RYR3: variants seen among roughly 807,000 people sequenced by gnomAD.
The protein encoded by RYR3 is brain ryanodine receptor-calcium release channel.
RYR3 carries 207 observed loss-of-function variants against 584.3 expected under a neutral mutation model. That is an observed-to-expected ratio of 0.35 (90% CI 0.32 to 0.40). The LOEUF (loss-of-function observed/expected upper bound fraction) is 0.40. Ranked by LOEUF, RYR3 falls within the 10% of genes least tolerant of loss-of-function variation. RYR3 has a pLI of 1.00. For missense variants in RYR3, 5,616 were observed against 6,089.2 expected (o/e 0.92, Z 2.59); for synonymous variants, 2,416 against 2,248.5 (o/e 1.07, Z -2.11).
At chr15:33,551,546 A>G (rs886884132) in intron 10 of RYR3, among the ~76,000 whole-genome samples, 1 of 152,140 alleles carries the variant, frequency 6.6e-6, no homozygotes, top group Non-Finnish European at 1.5e-5. Context: ...ACTCTTTGGC[A>G]TGTAGTTTTT....
chr15:33,707,102 C>G, intron 43 of RYR3, 48 bp downstream of exon 43: 1 of 1,599,982 alleles, frequency 6.3e-7, no homozygotes, highest in Non-Finnish European at 8.5e-7. Flanking sequence ...ATAGCATGAT[C>G]GTGGATACCT....
intron 43 of RYR3, among the ~76,000 whole-genome samples, chr15:33,708,731 C>T (rs753476738): frequency 2.0e-5 from 3 of 152,148 alleles, no homozygotes; most frequent in Non-Finnish European, 4.4e-5. Flanking sequence ...TTTTAATTCT[C>T]AGCAAGGCAA....
intron 10 of RYR3, among the ~76,000 whole-genome samples, chr15:33,553,172 C>A (rs996048917): frequency 2.0e-5 from 3 of 152,086 alleles, no homozygotes; most frequent in Non-Finnish European, 4.4e-5. Flanking sequence ...TTCATCTGAT[C>A]CTTTCCATAT....
Position 33,853,624 on chromosome 15 carries a change from G to A in RYR3, c.13741G>A (p.Ala4581Thr). ...TGAACTTCTGGGTTTGGACAAAAAT[G>A]CTCTTGACTTTAGCCCAGTAGAAGA... ...IAELLGLDKNALDFSPVEETK... is the reference protein window; with the variant it reads ...IAELLGLDKNTLDFSPVEETK... The change falls in exon 96 of 104, where the codon GCT becomes ACT. Residue 4581 changes from alanine (A) to threonine (T), a missense_variant. Transcript: ENST00000634891. 1.2e-6 allele frequency: 2 copies of A among 1,614,004 alleles called. No individual in the cohort carries two copies. Among genetic ancestry groups the A allele is most frequent in the Non-Finnish European group, 1.7e-6 (2 of 1,179,888 alleles).
At chr15:33,851,950 G>GT in intron 94 of RYR3, 1 of 151,390 alleles carries the variant, frequency 6.6e-6, no homozygotes, top group East Asian at 1.9e-4. Flanking sequence ...ACCAGCATTT[G>GT]TTTTTGCTTT....
intron 18 of RYR3, among the ~76,000 whole-genome samples, chr15:33,610,994 C>A (rs2060154529): frequency 6.6e-6 from 1 of 152,106 alleles, no homozygotes; most frequent in South Asian, 2.1e-4. Flanking sequence ...TAAGGATGCT[C>A]AACCTGAACT....
In RYR3 at chr15:33,635,766, C is replaced by A. The variant is rs201820155; in HGVS notation, c.3328C>A (p.Pro1110Thr). 11 of 1,613,798 alleles carry A rather than the reference C, an allele frequency of 6.8e-6. 1 individual carries two copies. The Admixed American group carries it at 1.7e-4, about 24-fold the overall frequency. The change falls in exon 26 of 104, where the codon CCT becomes ACT. Residue 1110 changes from proline (P) to threonine (T), a missense_variant. Physicochemically the swap from Pro to Thr is conservative, Grantham distance 38 (BLOSUM62 -1). Transcript: ENST00000634891. ...RVGWARPGCR[P>T]DVELGADDQA... is the part of the protein sequence containing the mutation. Reference sequence around the variant, plus strand: ...CGGCTGGGCGAGGCCAGGCTGTCGACCTGATGTCGAGCTGGGGGCCGATGA... The same window carrying A: ...CGGCTGGGCGAGGCCAGGCTGTCGAACTGATGTCGAGCTGGGGGCCGATGA...
rs143949356 is a variant in RYR3, at chr15:33,726,793, C to T, written c.7033+287C>T. On this transcript the variant is annotated intron_variant, in intron 46 of 103. Coordinates refer to ENST00000634891, the MANE Select transcript of RYR3 (RefSeq NM_001036.6). Reference sequence around the variant, plus strand: ...TCTCACCATGACCAATTTCAAGCCACCAATGTAATGTCACTGAACACAGAG... The same window carrying T: ...TCTCACCATGACCAATTTCAAGCCATCAATGTAATGTCACTGAACACAGAG... 4.3e-3 allele frequency among the ~76,000 whole-genome samples: 656 copies of T among 152,356 alleles called. 4 individuals are homozygous for T. Among genetic ancestry groups the T allele is most frequent in the African/African-American group, 0.014 (598 of 41,572 alleles).
At position 33,472,915 on chromosome 15, in the gene RYR3, T is replaced by C. The variant is rs563125409; in HGVS notation, c.52-504T>C. Among the ~76,000 whole-genome samples, 3 of 152,266 alleles carry C rather than the reference T, an allele frequency of 2.0e-5. No individual in the cohort carries two copies. The South Asian group carries it at 6.2e-4, about 32-fold the overall frequency. ...CTTCCTCTACCATCTCTGGCAAATA[T>C]GCGGCCCACGACATACACTGCCTTC... On this transcript the variant is annotated intron_variant, in intron 1 of 103. Transcript: ENST00000634891.
intron 1 of RYR3, among the ~76,000 whole-genome samples, chr15:33,456,908 G>T (rs2047607935): frequency 6.6e-6 from 1 of 152,176 alleles, no homozygotes; most frequent in Non-Finnish European, 1.5e-5. Context: ...CTGACTTAGA[G>T]AATTAGAATC....
intron 1 of RYR3, among the ~76,000 whole-genome samples, chr15:33,367,769 A>G (rs548679370): frequency 1.3e-5 from 2 of 152,356 alleles, no homozygotes; most frequent in East Asian, 3.9e-4. Context: ...TAATCCTGGT[A>G]GCAGTGCTGG....
Position 33,550,155 on chromosome 15 carries a change from C to T in RYR3, c.816-5C>T. On this transcript the variant is annotated splice_region_variant and splice_polypyrimidine_tract_variant and intron_variant, in intron 9 of 103. Coordinates refer to ENST00000634891, the MANE Select transcript of RYR3 (RefSeq NM_001036.6). ...TGCAATTTCTTGTCTGTTTCATCTG[C>T]CCAGCTGGAGTGGCAGTAACATCAG... 1.2e-6 allele frequency: 2 copies of T among 1,610,116 alleles called. No homozygotes were observed. Among genetic ancestry groups the T allele is most frequent in the Non-Finnish European group, 1.7e-6 (2 of 1,178,776 alleles).
intron 53 of RYR3, among the ~76,000 whole-genome samples, 174 bp from the exon 54 acceptor site, chr15:33,747,940 C>T (rs1312971479): frequency 6.6e-6 from 1 of 152,170 alleles, no homozygotes. Flanking sequence ...CTAAAAACAC[C>T]AGAAAGACTG....
Position 33,543,640 on chromosome 15 carries a change from A to G in RYR3, c.665A>G (p.His222Arg), listed in dbSNP as rs1349307314. 6.2e-6 allele frequency: 10 copies of G among 1,609,664 alleles called. No homozygotes were observed. The highest frequency in any genetic ancestry group is 4.0e-5 in the African/African-American group (3 of 74,808). ...SIEEGYLLGG[H>R]VVRLFHGHDE... ...CTTACAGGATACCTACTTGGTGGGC[A>G]TGTAGTACGTCTTTTCCATGGTCAT... is the stretch of plus-strand genomic sequence containing the variant. The change falls in exon 8 of 104, where the codon CAT becomes CGT. Residue 222 changes from histidine to arginine, a missense_variant. By Grantham distance (29) the His-to-Arg change is conservative. This residue lies in a region of RYR3 where 1,284 missense variants were observed against 1,344.6 expected (regional missense o/e 0.95). Coordinates refer to ENST00000634891, the MANE Select transcript of RYR3 (RefSeq NM_001036.6).
chr15:33,842,457 C>G (rs2078431884), intron 91 of RYR3, among the ~76,000 whole-genome samples: 1 of 152,246 alleles, frequency 6.6e-6, no homozygotes, highest in Non-Finnish European at 1.5e-5. Context: ...CTTGATTGTT[C>G]TATATGCAAT....
chr15:33,404,223 T>C (rs1488624396), intron 1 of RYR3, among the ~76,000 whole-genome samples: 4 of 152,232 alleles, frequency 2.6e-5, no homozygotes. Context: ...CTATAAATGA[T>C]GAAACATCTT....
intron 9 of RYR3, among the ~76,000 whole-genome samples, chr15:33,549,011 A>G (rs780579152): frequency 5.3e-5 from 8 of 152,114 alleles, no homozygotes; most frequent in Admixed American, 3.3e-4. Flanking sequence ...AAGATAATCC[A>G]TTGGCAATCA....
chr15:33,812,835 C>T, intron 72 of RYR3, 28 bp from the exon 73 acceptor site: 1 of 1,609,756 alleles, frequency 6.2e-7, no homozygotes, highest in South Asian at 1.1e-5. Context: ...GGAAATTCCT[C>T]ATCTTATGAG....
intron 38 of RYR3, among the ~76,000 whole-genome samples, chr15:33,682,077 T>G (rs1188157180): frequency 2.0e-5 from 3 of 152,230 alleles, no homozygotes; most frequent in African/African-American, 7.2e-5. Context: ...TAGTTGGCAT[T>G]GCAAAGCTGG....
Sources: allele counts gnomAD v4.1 joint callset (sites outside exome capture counted in the v4.1 genomes callset), GRCh38; gene constraint gnomAD v4.1.1; regional missense constraint gnomAD v4.1.1; transcripts MANE v1.5; gene names NCBI Gene and HGNC (gene_info 2026-07-23, HGNC 2026-07-21).